Variants in UGT2B17 observed in about 807,000 individuals in gnomAD.
UGT2B17 encodes UDP-glucuronosyltransferase 2B17.
Under a neutral mutation model 48.2 loss-of-function variants are expected in UGT2B17, and 21 were observed. The ratio of observed to expected loss-of-function variants is 0.44; its 90% CI spans 0.31 to 0.63. The LOEUF is 0.63. Ranked by LOEUF, UGT2B17 falls within the 20% of genes least tolerant of loss-of-function variation. The pLI, the probability that UGT2B17 is intolerant of heterozygous loss-of-function variation, is 0.08. For missense variants in UGT2B17, 402 were observed against 696.1 expected (o/e 0.58, Z 4.75); for synonymous variants, 146 against 238.4 (o/e 0.61, Z 3.57).
chr4:68,539,861 T>C (rs1277096594), intron 6 of UGT2B17, among the ~76,000 whole-genome samples: 1 of 115,340 alleles, frequency 8.7e-6, no homozygotes. Context: ...CTTGGCTGAC[T>C]GCAACTTACG....
At chr4:68,544,269 G>A (rs1426455312) in intron 6 of UGT2B17, among the ~76,000 whole-genome samples, 1 of 126,558 alleles carries the variant, frequency 7.9e-6, no homozygotes, top group African/African-American at 2.7e-5. Flanking sequence ...GAGAGTGGGG[G>A]CCAATATTCA....
At chr4:68,550,328 T>A (rs1730891770) in intron 6 of UGT2B17, among the ~76,000 whole-genome samples, 1 of 126,032 alleles carries the variant, frequency 7.9e-6, no homozygotes, top group Non-Finnish European at 1.7e-5. Flanking sequence ...AAGAATAGAT[T>A]CATACTTTCA....
intron 3 of UGT2B17, among the ~76,000 whole-genome samples, chr4:68,564,350 A>G (rs62316992): frequency 0.99 from 107,452 of 108,518 alleles, 53,399 homozygotes; most frequent in Middle Eastern, 1. Context: ...GTGCAATAGC[A>G]TGATCTCGGC....
rs918068246 is a variant in UGT2B17 at position 68,556,693 on chromosome 4, C to T, written c.1005+3844G>A. Among the ~76,000 whole-genome samples, 5 of 125,524 alleles carry T rather than the reference C, an allele frequency of 4.0e-5. 1 individual carries two copies. 82.3% of individuals were successfully genotyped at this position (125,524 alleles called of 152,430 possible). ...GCTGAGGAAAGTTATATCTTATGGT[C>T]AAGATTAGAATTTTATAGATTGTTC... On this transcript the variant is annotated intron_variant, in intron 4 of 6. Coordinates refer to ENST00000317746, the MANE Select transcript of UGT2B17 (RefSeq NM_001077.4).
At chr4:68,539,811 GTC>G (rs1026424434) in intron 6 of UGT2B17, among the ~76,000 whole-genome samples, 2 of 99,288 alleles carry the variant, frequency 2.0e-5, no homozygotes, top group Non-Finnish European at 3.9e-5. Flanking sequence ...TTGAGACAGA[GTC>G]TCTCTCTGTC....
At chr4:68,561,120 T>G (rs2109772622) in intron 3 of UGT2B17, among the ~76,000 whole-genome samples, 1 of 124,292 alleles carries the variant, frequency 8.0e-6, no homozygotes, top group Admixed American at 8.3e-5. Context: ...GTTCTTTTAG[T>G]TAGGAGTCAT....
intron 6 of UGT2B17, among the ~76,000 whole-genome samples, chr4:68,549,454 A>G (rs1163369972): frequency 8.0e-6 from 1 of 125,550 alleles, no homozygotes; most frequent in African/African-American, 2.7e-5. Flanking sequence ...ATGAATCCAT[A>G]ATAAGGTAAA....
chr4:68,568,173 AT>A lies in UGT2B17; in HGVS notation c.311del (p.Asn104IlefsTer22). ...FDRWTYSISK[N>X]TFWSYFSQLQ... ...GTTGTGAAAAATATGACCAAAATGT[AT>A]TTTTTGAAATACTATATGTCCATCT... On this transcript the variant is annotated frameshift_variant, in exon 2 of 7. Coordinates refer to ENST00000317746, the MANE Select transcript of UGT2B17 (RefSeq NM_001077.4). LOFTEE classifies it high-confidence loss of function. 1 of 1,380,218 alleles carries A rather than the reference AT, an allele frequency of 7.2e-7. No homozygotes were observed. Among genetic ancestry groups the A allele is most frequent in the Non-Finnish European group, 9.5e-7 (1 of 1,054,088 alleles). The allele number at this position is 1,380,218 out of a possible 1,614,324, so 85.5% of individuals were successfully genotyped here.
chr4:68,564,564 C>G (rs1431955235), intron 3 of UGT2B17, among the ~76,000 whole-genome samples: 1 of 124,606 alleles, frequency 8.0e-6, no homozygotes, highest in Non-Finnish European at 1.7e-5. Flanking sequence ...GCTGGGATTA[C>G]AGGTGTAAGC....
rs188627930 is a variant in UGT2B17 at position 68,571,827 on chromosome 4, G to A, written c.-64-3279C>T. Among the ~76,000 whole-genome samples the A allele has an allele frequency of 3.2e-5, 4 of 126,198 alleles. 1 individual carries two copies. In the South Asian group the frequency reaches 1.4e-3, roughly 44 times the overall value. 82.8% of individuals were successfully genotyped at this position (126,198 alleles called of 152,430 possible). ...TTTTTAGTTTTTCCTGGAATCTCAG[G>A]TACTGGCACATTTAGTTCATCATAG... is the stretch of plus-strand genomic sequence containing the variant. On this transcript the variant is annotated intron_variant, in intron 1 of 6. Transcript: ENST00000317746.
chr4:68,554,123 C>T lies in UGT2B17; in HGVS notation c.1006-2212G>A, dbSNP rs1210038881. 2.5e-4 allele frequency among the ~76,000 whole-genome samples: 32 copies of T among 125,774 alleles called. 8 individuals carry two copies. Among genetic ancestry groups the T allele is most frequent in the African/African-American group, 3.3e-4 (12 of 36,844 alleles). The allele number at this position is 125,774 out of a possible 152,430, so 82.5% of individuals were successfully genotyped here. A position where few individuals can be genotyped will look rare whatever the true frequency, so the allele number is the denominator to read the frequency against. Reference sequence around the variant, plus strand: ...ACCTCTGGAGGGAGAAACTGAGACACGTAAGAGGGTGGAAACAACTCAGTG... The same window carrying T: ...ACCTCTGGAGGGAGAAACTGAGACATGTAAGAGGGTGGAAACAACTCAGTG... On this transcript the variant is annotated intron_variant, in intron 4 of 6. Coordinates refer to ENST00000317746, the MANE Select transcript of UGT2B17 (RefSeq NM_001077.4).
At position 68,540,263 on chromosome 4, in the gene UGT2B17, A is replaced by G; in HGVS notation, c.1314-2359T>C. Among the ~76,000 whole-genome samples, 2 of 127,260 alleles carry G rather than the reference A, an allele frequency of 1.6e-5. 1 individual carries two copies. The highest frequency in any genetic ancestry group is 3.3e-5 in the Non-Finnish European group (2 of 59,838). The allele number at this position is 127,260 out of a possible 152,430, so 83.5% of individuals were successfully genotyped here. A position where few individuals can be genotyped will look rare whatever the true frequency, so the allele number is the denominator to read the frequency against. ...TTTATCTCCTTAAATAAAAGTTTTC[A>G]AAGATCATTATTTTGTCTACTTTGG... On this transcript the variant is annotated intron_variant, in intron 6 of 6. Transcript: ENST00000317746.
chr4:68,566,041 T>A (rs1342507208), intron 2 of UGT2B17, among the ~76,000 whole-genome samples: 2 of 118,536 alleles, frequency 1.7e-5, no homozygotes, highest in Admixed American at 1.8e-4. Context: ...ATATTTAATA[T>A]TAATAAAATT....
At position 68,556,270 on chromosome 4, in the gene UGT2B17, T is replaced by C. The variant is rs1207905721; in HGVS notation, c.1005+4267A>G. On this transcript the variant is annotated intron_variant, in intron 4 of 6. Transcript: ENST00000317746. Reference sequence around the variant, plus strand: ...TTTACTCTTAAAATATTATGAGTTTTTTTTTTTTAACCCAAAGTTTAACTT... The same window carrying C: ...TTTACTCTTAAAATATTATGAGTTTCTTTTTTTTAACCCAAAGTTTAACTT... Among the ~76,000 whole-genome samples, 4 of 124,334 alleles carry C rather than the reference T, an allele frequency of 3.2e-5. 1 individual carries two copies. Among genetic ancestry groups the C allele is most frequent in the Admixed American group, 2.5e-4 (3 of 12,124 alleles). 81.6% of individuals were successfully genotyped at this position (124,334 alleles called of 152,430 possible). A position where few individuals can be genotyped will look rare whatever the true frequency, so the allele number is the denominator to read the frequency against.
chr4:68,575,306 C>A lies in UGT2B17; in HGVS notation c.-65+645G>T, dbSNP rs1268294450. Among the ~76,000 whole-genome samples, 5 of 119,622 alleles carry A rather than the reference C, an allele frequency of 4.2e-5. 1 individual carries two copies. The highest frequency in any genetic ancestry group is 8.7e-5 in the Non-Finnish European group (5 of 57,796). 78.5% of individuals were successfully genotyped at this position (119,622 alleles called of 152,430 possible). A position where few individuals can be genotyped will look rare whatever the true frequency, so the allele number is the denominator to read the frequency against. On this transcript the variant is annotated intron_variant, in intron 1 of 6. Coordinates refer to ENST00000317746, the MANE Select transcript of UGT2B17 (RefSeq NM_001077.4). Reference sequence around the variant, plus strand: ...GGGGTCTAAAACCAGCTGTAACTGTCTATGTACAGAACCTGGTCTGGGTGC... The same window carrying A: ...GGGGTCTAAAACCAGCTGTAACTGTATATGTACAGAACCTGGTCTGGGTGC...
chr4:68,541,595 G>A (rs1288685177), intron 6 of UGT2B17, among the ~76,000 whole-genome samples: 3 of 126,116 alleles, frequency 2.4e-5, no homozygotes, highest in Admixed American at 8.2e-5. Flanking sequence ...TCTGTAGGTT[G>A]CCTGTGCCCT....
Position 68,558,272 on chromosome 4 carries a change from T to G in UGT2B17, c.1005+2265A>C, listed in dbSNP as rs188639110. ...TCTAGTCTTGCCTAATGTTTTTCAA[T>G]TTTTATTACTGTCTACAGTTTGGAC... On this transcript the variant is annotated intron_variant, in intron 4 of 6. Transcript: ENST00000317746. Among the ~76,000 whole-genome samples the G allele has an allele frequency of 1.6e-5, 2 of 121,820 alleles. 1 individual carries two copies. Among genetic ancestry groups the G allele is most frequent in the Non-Finnish European group, 3.5e-5 (2 of 57,940 alleles). The allele number at this position is 121,820 out of a possible 152,430, so 79.9% of individuals were successfully genotyped here. A position where few individuals can be genotyped will look rare whatever the true frequency, so the allele number is the denominator to read the frequency against.
Position 68,543,972 on chromosome 4 carries a change from T to A in UGT2B17, c.1314-6068A>T, listed in dbSNP as rs1417628699. On this transcript the variant is annotated intron_variant, in intron 6 of 6. Transcript: ENST00000317746. ...TACATCTGATTGGTGTACCTGAAAG[T>A]GACGGGGAGAATGGAAACAAGTTGG... 1.6e-5 allele frequency among the ~76,000 whole-genome samples: 2 copies of A among 126,338 alleles called. 1 individual carries two copies. The highest frequency in any genetic ancestry group is 3.4e-5 in the Non-Finnish European group (2 of 59,644). The allele number at this position is 126,338 out of a possible 152,430, so 82.9% of individuals were successfully genotyped here.
rs890112441 is a variant in UGT2B17, at chr4:68,566,078, CAT to C, written c.725-360_725-359del. Among the ~76,000 whole-genome samples, 14 of 113,444 alleles carry C rather than the reference CAT, an allele frequency of 1.2e-4. 3 individuals carry two copies. The highest frequency in any genetic ancestry group is 4.2e-4 in the African/African-American group (14 of 33,614). 74.4% of individuals were successfully genotyped at this position (113,444 alleles called of 152,430 possible). On this transcript the variant is annotated intron_variant, in intron 2 of 6. Coordinates refer to ENST00000317746, the MANE Select transcript of UGT2B17 (RefSeq NM_001077.4). ...TATTAATTTTATTTTATTAATAAAA[CAT>C]TAATAAAGTTAATAAAATTAAACAA...
Sources: allele counts gnomAD v4.1 joint callset (sites outside exome capture counted in the v4.1 genomes callset), GRCh38; gene constraint gnomAD v4.1.1; transcripts MANE v1.5; gene names NCBI Gene and HGNC (gene_info 2026-07-23, HGNC 2026-07-21).